PCDHA5: variants seen among roughly 807,000 people sequenced by gnomAD.
PCDHA5 encodes the protein protocadherin alpha 5.
In PCDHA5, 43 loss-of-function variants were observed where a neutral mutation model predicts 61.6. The ratio of observed to expected loss-of-function variants is 0.70; its 90% CI spans 0.55 to 0.90. The LOEUF (loss-of-function observed/expected upper bound fraction) is 0.90. PCDHA5 is among the 40% of genes least tolerant of loss of function. PCDHA5 has a pLI of 0.00. For synonymous variants in PCDHA5, 627 were observed against 543.9 expected (o/e 1.15, Z -2.13); for missense variants, 1,298 against 1,222.7 (o/e 1.06, Z -0.92).
chr5:140,850,292 C>G lies in PCDHA5; in HGVS notation c.2352+26165C>G, dbSNP rs2150478092. The stretch of plus-strand genomic sequence containing the variant: ...TGGGGAAGGTGCGCGCAGTGGACGC[C>G]GACTCGGGCTACAACGCGTGGCTTT... On this transcript the variant is annotated intron_variant, in intron 1 of 3. Transcript: ENST00000529859. 30 of 1,595,922 alleles carry G rather than the reference C, an allele frequency of 1.9e-5. 3 individuals are homozygous for G. The highest frequency in any genetic ancestry group is 6.7e-5 in the East Asian group (3 of 44,830).
chr5:140,878,252 C>T (rs1250494755), intron 1 of PCDHA5, among the ~76,000 whole-genome samples: 26 of 152,184 alleles, frequency 1.7e-4, no homozygotes, highest in African/African-American at 3.1e-4. Context: ...CTCTTCCTCA[C>T]GTGCTTAGGC....
At chr5:140,870,425 C>A (rs531014522) in intron 1 of PCDHA5, 5 of 1,614,190 alleles carry the variant, frequency 3.1e-6, no homozygotes, top group Admixed American at 3.3e-5. Flanking sequence ...GCCAGGGTAT[C>A]CGTGGAGGTG....
At chr5:140,847,798 C>G (rs1359098048) in intron 1 of PCDHA5, 1 of 149,600 alleles carries the variant, frequency 6.7e-6, no homozygotes, top group Non-Finnish European at 1.5e-5. Context: ...TATTTTATAC[C>G]TTTTCAATTC....
intron 1 of PCDHA5, chr5:140,825,395 ATATAT>A (rs1166769345): frequency 7.7e-6 from 1 of 130,132 alleles, no homozygotes; most frequent in African/African-American, 3.9e-5. Context: ...TATATATCTA[ATATAT>A]TATATATTTT....
At chr5:140,941,222 T>C (rs147673675) in intron 1 of PCDHA5, among the ~76,000 whole-genome samples, 3 of 116,858 alleles carry the variant, frequency 2.6e-5, no homozygotes, top group African/African-American at 6.4e-5. Flanking sequence ...TTCCTTTCTT[T>C]CTTTCTTTCT....
At chr5:140,872,977 GC>G (rs1326111410) in intron 1 of PCDHA5, among the ~76,000 whole-genome samples, 3 of 152,086 alleles carry the variant, frequency 2.0e-5, no homozygotes, top group African/African-American at 7.2e-5. Context: ...GAAGATTTGA[GC>G]AAAGATCATT....
intron 3 of PCDHA5, among the ~76,000 whole-genome samples, chr5:140,999,429 A>G (rs1554256798): frequency 6.6e-6 from 1 of 152,190 alleles, no homozygotes. Flanking sequence ...GAGGCCAAGT[A>G]CCTTGCCTCT....
intron 1 of PCDHA5, among the ~76,000 whole-genome samples, chr5:140,922,406 G>C (rs1411149387): frequency 9.8e-5 from 15 of 152,288 alleles, no homozygotes; most frequent in African/African-American, 3.6e-4. Flanking sequence ...GGATTAAAAA[G>C]ATCTAGGTAC....
In PCDHA5 at chr5:140,848,334, A is replaced by G. The variant is rs2150408949; in HGVS notation, c.2352+24207A>G. ...TTGCCGCGATGTTCTCTCTGAATCC[A>G]GACAAATACAGCCCTTTTCCCATGG... On this transcript the variant is annotated intron_variant, in intron 1 of 3. Transcript: ENST00000529859. 43 of 850,658 alleles carry G rather than the reference A, an allele frequency of 5.1e-5. 3 individuals are homozygous for G. Among genetic ancestry groups the G allele is most frequent in the Non-Finnish European group, 7.6e-5 (41 of 539,362 alleles). 52.7% of individuals were successfully genotyped at this position (850,658 alleles called of 1,614,324 possible). A position where few individuals can be genotyped will look rare whatever the true frequency, so the allele number is the denominator to read the frequency against.
chr5:140,828,981 G>C (rs2150161571), intron 1 of PCDHA5: 1 of 1,614,120 alleles, frequency 6.2e-7, no homozygotes, highest in Admixed American at 1.7e-5. Flanking sequence ...AGCATAGATC[G>C]AAATACGGGA....
chr5:140,849,369 A>T, intron 1 of PCDHA5: 1 of 1,490,294 alleles, frequency 6.7e-7, no homozygotes, highest in Non-Finnish European at 9.2e-7. Flanking sequence ...TATAAAATCC[A>T]AGTTCCACAT....
intron 3 of PCDHA5, among the ~76,000 whole-genome samples, chr5:141,006,369 G>A (rs2098270445): frequency 1.3e-5 from 2 of 151,784 alleles, no homozygotes; most frequent in Admixed American, 6.6e-5. Context: ...CCACCACCAC[G>A]CCCGGCTAAG....
intron 1 of PCDHA5, among the ~76,000 whole-genome samples, chr5:140,937,306 G>A (rs994842470): frequency 4.3e-4 from 66 of 152,048 alleles, no homozygotes; most frequent in African/African-American, 1.6e-3. Flanking sequence ...CAAAGTGCTG[G>A]GATTACAGGC....
At chr5:140,857,050 G>T in intron 1 of PCDHA5, 1 of 1,595,508 alleles carries the variant, frequency 6.3e-7, no homozygotes, top group Non-Finnish European at 8.6e-7. Flanking sequence ...GTCACTGCAC[G>T]GTCCTAGTGG....
At chr5:140,983,438 C>T (rs1233600670) in intron 3 of PCDHA5, among the ~76,000 whole-genome samples, 2 of 152,224 alleles carry the variant, frequency 1.3e-5, no homozygotes, top group Non-Finnish European at 2.9e-5. Flanking sequence ...ATTGTGTCTA[C>T]TCTAATCCTC....
At position 140,850,172 on chromosome 5, in the gene PCDHA5, C is replaced by G. The variant is rs756590916; in HGVS notation, c.2352+26045C>G. 10 of 1,594,266 alleles carry G rather than the reference C, an allele frequency of 6.3e-6. 1 individual carries two copies. The highest frequency in any genetic ancestry group is 1.3e-5 in the African/African-American group (1 of 74,338). On this transcript the variant is annotated intron_variant, in intron 1 of 3. Coordinates refer to ENST00000529859, the MANE Select transcript of PCDHA5 (RefSeq NM_018908.3). ...TGCAGGTGTTCGTGCTGGACGAGAA[C>G]GACAATGCGCCGGCGCTGCTGACAC... is the stretch of plus-strand genomic sequence containing the variant.
At chr5:140,954,650 C>G (rs2095069221) in intron 1 of PCDHA5, among the ~76,000 whole-genome samples, 1 of 151,902 alleles carries the variant, frequency 6.6e-6, no homozygotes, top group Non-Finnish European at 1.5e-5. Context: ...TGTTTAAGTT[C>G]CTTGTAGACT....
intron 1 of PCDHA5, among the ~76,000 whole-genome samples, chr5:140,872,376 C>T (rs1270470575): frequency 1.3e-5 from 2 of 152,128 alleles, no homozygotes; most frequent in Non-Finnish European, 2.9e-5. Flanking sequence ...CCTGTAATCC[C>T]AGCTATTTGG....
intron 1 of PCDHA5, chr5:140,830,035 G>T (rs2150180061): frequency 1.2e-6 from 2 of 1,613,880 alleles, no homozygotes; most frequent in South Asian, 2.2e-5. Flanking sequence ...ACCGGCTGCT[G>T]GTGCTGGTGA....
Sources: allele counts gnomAD v4.1 joint callset (sites outside exome capture counted in the v4.1 genomes callset), GRCh38; gene constraint gnomAD v4.1.1; transcripts MANE v1.5; gene names NCBI Gene and HGNC (gene_info 2026-07-23, HGNC 2026-07-21).